ALK: variants seen among roughly 807,000 people sequenced by gnomAD.
ALK encodes the protein ALK receptor tyrosine kinase, also known as ALK tyrosine kinase receptor.
Under a neutral mutation model 163.1 loss-of-function variants are expected in ALK, and 74 were observed. That is an observed-to-expected ratio of 0.45 (90% CI 0.38 to 0.55). The LOEUF (loss-of-function observed/expected upper bound fraction) is 0.55, where lower values mean the gene tolerates loss of function less well. Among genes scored for constraint, ALK ranks in the 20% least tolerant of loss-of-function variants. The pLI, the probability that ALK is intolerant of heterozygous loss-of-function variation, is 0.00. For missense variants in ALK, 2,063 were observed against 2,105.3 expected (o/e 0.98, Z 0.39); for synonymous variants, 960 against 843.2 (o/e 1.14, Z -2.40).
chr2:29,467,777 G>A (rs530357685), intron 4 of ALK, among the ~76,000 whole-genome samples: 2 of 152,222 alleles, frequency 1.3e-5, no homozygotes, highest in East Asian at 3.9e-4. Flanking sequence ...GAGGCTACCT[G>A]ACTTCTATCA....
At chr2:29,514,919 G>C (rs963229574) in intron 4 of ALK, among the ~76,000 whole-genome samples, 2 of 152,160 alleles carry the variant, frequency 1.3e-5, no homozygotes, top group African/African-American at 2.4e-5. Context: ...CTGACTTGCA[G>C]TTCCATCCTT....
chr2:29,484,016 T>G (rs937454495), intron 4 of ALK, among the ~76,000 whole-genome samples: 4 of 152,170 alleles, frequency 2.6e-5, no homozygotes, highest in Admixed American at 2.6e-4. Flanking sequence ...AGAGAGCATG[T>G]GCAGGGGGAA....
intron 3 of ALK, among the ~76,000 whole-genome samples, chr2:29,604,470 G>C (rs1249772127): frequency 6.6e-6 from 1 of 152,090 alleles, no homozygotes; most frequent in African/African-American, 2.4e-5. Flanking sequence ...TCTCCAAACT[G>C]GCAACAAAGA....
rs531808011 is a variant in ALK at position 29,262,116 on chromosome 2, A to T, written c.2042-10849T>A. On this transcript the variant is annotated intron_variant, in intron 11 of 28. Coordinates refer to ENST00000389048, the MANE Select transcript of ALK (RefSeq NM_004304.5). ...CTCCTTACAACCACGATAGGTCAGT[A>T]GATAGGGAAGGGAGAAGAACTGTGA... Among the ~76,000 whole-genome samples the T allele has an allele frequency of 3.2e-4, 49 of 152,336 alleles. No homozygotes were observed. In the South Asian group the frequency reaches 9.7e-3, roughly 30 times the overall value.
At chr2:29,905,543 G>A (rs1053202005) in intron 1 of ALK, among the ~76,000 whole-genome samples, 12 of 151,638 alleles carry the variant, frequency 7.9e-5, no homozygotes, top group African/African-American at 2.9e-4. Flanking sequence ...GGAAGAGAAG[G>A]AGGGAAAGGG....
chr2:29,275,192 G>T lies in ALK; in HGVS notation c.1948C>A (p.Pro650Thr), dbSNP rs1178904580. Residue 650 changes from proline (P) to threonine (T), a missense_variant, in exon 11 of 29, where the codon CCC becomes ACC. Transcript: ENST00000389048. ...CTCTCAAACAGGTTTCTTGATTTGG[G>T]TGCTGTATTCTGCAGGATCTTGTCC... Reference protein sequence around the residue: ...GEDKILQNTAPKSRNLFERNP... With the variant: ...GEDKILQNTATKSRNLFERNP... The T allele has an allele frequency of 7.4e-6, 12 of 1,614,024 alleles. No homozygotes were observed. In the South Asian group the frequency reaches 7.7e-5, roughly 10 times the overall value.
chr2:29,293,034 A>T (rs1666079738), intron 9 of ALK, among the ~76,000 whole-genome samples: 1 of 152,244 alleles, frequency 6.6e-6, no homozygotes, highest in Admixed American at 6.5e-5. Flanking sequence ...TCCAACAGGA[A>T]TGTGACCAGA....
intron 1 of ALK, among the ~76,000 whole-genome samples, chr2:29,842,446 G>A (rs1191504315): frequency 1.3e-5 from 2 of 152,258 alleles, no homozygotes; most frequent in South Asian, 4.1e-4. Context: ...CTTTACCAGG[G>A]CACACAGCTA....
chr2:29,756,529 A>ATTTTT lies in ALK; in HGVS notation c.668-38837_668-38833dup, dbSNP rs35599126. Among the ~76,000 whole-genome samples the ATTTTT allele has an allele frequency of 3.2e-3, 448 of 138,772 alleles. 6 individuals are homozygous for ATTTTT. The highest frequency in any genetic ancestry group is 0.011 in the African/African-American group (413 of 36,942). 91.0% of individuals were successfully genotyped at this position (138,772 alleles called of 152,430 possible). On this transcript the variant is annotated intron_variant, in intron 1 of 28. Transcript: ENST00000389048. The stretch of plus-strand genomic sequence containing the variant: ...AGTACAGTAGATCATTTACTCATTG[A>ATTTTT]TTTTTTTTTTTTTTTTTGAGACAGA...
intron 1 of ALK, among the ~76,000 whole-genome samples, chr2:29,887,869 C>T (rs962532901): frequency 6.6e-6 from 1 of 152,126 alleles, no homozygotes; most frequent in Non-Finnish European, 1.5e-5. Flanking sequence ...GGAAGGACTG[C>T]TATGTTAAGA....
At position 29,867,399 on chromosome 2, in the gene ALK, A is replaced by G. The variant is rs545032395; in HGVS notation, c.667+52594T>C. ...TCAGTATGTTGCTTCTGTATTAAAA[A>G]TAGTCAAAATGGTATTTCTGGGAGG... On this transcript the variant is annotated intron_variant, in intron 1 of 28. Transcript: ENST00000389048. Among the ~76,000 whole-genome samples, 161 of 152,348 alleles carry G rather than the reference A, an allele frequency of 1.1e-3. 1 individual carries two copies. Among genetic ancestry groups the G allele is most frequent in the African/African-American group, 3.8e-3 (158 of 41,584 alleles).
chr2:29,872,825 T>C (rs1415144469), intron 1 of ALK, among the ~76,000 whole-genome samples: 2 of 152,368 alleles, frequency 1.3e-5, no homozygotes, highest in Non-Finnish European at 2.9e-5. Context: ...ATCTCTGCCA[T>C]AGATCTGCCC....
At position 29,756,359 on chromosome 2, in the gene ALK, T is replaced by C. The variant is rs147640744; in HGVS notation, c.668-38662A>G. Among the ~76,000 whole-genome samples the C allele has an allele frequency of 4.0e-3, 615 of 152,328 alleles. 4 individuals are homozygous for C. Among genetic ancestry groups the C allele is most frequent in the African/African-American group, 0.014 (573 of 41,572 alleles). On this transcript the variant is annotated intron_variant, in intron 1 of 28. Coordinates refer to ENST00000389048, the MANE Select transcript of ALK (RefSeq NM_004304.5). ...CCTAAGTATCTGTGTCATATCTGCC[T>C]TCCCAGCTAGGTTGTAAACTCAGAA... is the stretch of plus-strand genomic sequence containing the variant.
At chr2:29,568,987 G>A (rs776490562) in intron 3 of ALK, among the ~76,000 whole-genome samples, 7 of 152,154 alleles carry the variant, frequency 4.6e-5, no homozygotes, top group Non-Finnish European at 7.3e-5. Context: ...GGCGGGGGAT[G>A]AGTCTTTCTT....
chr2:29,340,176 A>G (rs1667748479), intron 5 of ALK, among the ~76,000 whole-genome samples: 1 of 152,204 alleles, frequency 6.6e-6, no homozygotes, highest in African/African-American at 2.4e-5. Flanking sequence ...ATTCTGCACC[A>G]TACCTCCCCG....
chr2:29,867,439 G>T (rs1490118746), intron 1 of ALK, among the ~76,000 whole-genome samples: 2 of 152,128 alleles, frequency 1.3e-5, no homozygotes, highest in East Asian at 1.9e-4. Context: ...TTGATCAAAC[G>T]ACAAGGTTCA....
At chr2:29,749,634 G>A (rs1276703395) in intron 1 of ALK, among the ~76,000 whole-genome samples, 4 of 152,024 alleles carry the variant, frequency 2.6e-5, no homozygotes, top group African/African-American at 7.2e-5. Flanking sequence ...AGGGCGGTGG[G>A]CCCATCGTTC....
chr2:29,826,807 T>C (rs1328750284), intron 1 of ALK, among the ~76,000 whole-genome samples: 1 of 152,220 alleles, frequency 6.6e-6, no homozygotes, highest in African/African-American at 2.4e-5. Flanking sequence ...CATCATGTGG[T>C]TTATTTGCCA....
chr2:29,339,949 G>A (rs970667004), intron 5 of ALK, among the ~76,000 whole-genome samples: 1 of 152,188 alleles, frequency 6.6e-6, no homozygotes, highest in African/African-American at 2.4e-5. Flanking sequence ...CATTTTTGTG[G>A]TCGGGTTCTC....
Sources: gnomAD v4.1 joint callset for allele counts (sites outside exome capture counted in the v4.1 genomes callset) on GRCh38, gnomAD v4.1.1 for gene constraint, MANE v1.5 for transcripts, NCBI Gene and HGNC (gene_info 2026-07-23, HGNC 2026-07-21) for gene names.